GPC5: variants seen among roughly 807,000 people sequenced by gnomAD.
GPC5 encodes the protein glypican-5.
Under a neutral mutation model 53.9 loss-of-function variants are expected in GPC5, and 47 were observed. The ratio of observed to expected loss-of-function variants is 0.87; its 90% confidence interval spans 0.69 to 1.11. GPC5 has a LOEUF of 1.11. Ranked by LOEUF, GPC5 falls within the 50% of genes most tolerant of loss-of-function variation. The pLI, the probability that GPC5 is intolerant of heterozygous loss-of-function variation, is 0.00. For missense variants in GPC5, 748 were observed against 713.1 expected, an observed-to-expected ratio of 1.05 and a Z score of -0.56; for synonymous variants, 286 against 263.3, an observed-to-expected ratio of 1.09 and a Z score of -0.84.
At chr13:92,054,032 C>CAAAT (rs56703718) in intron 6 of GPC5, among the ~76,000 whole-genome samples, 17,565 of 142,376 alleles carry the variant, frequency 0.12, 1,118 homozygotes, top group Non-Finnish European at 0.13. Flanking sequence ...AATTCCATTT[C>CAAAT]AAATAAATAA....
At chr13:92,748,311 T>TTTATTATTA (rs71202559) in intron 7 of GPC5, among the ~76,000 whole-genome samples, 7,042 of 142,274 alleles carry the variant, frequency 0.049, 267 homozygotes, top group East Asian at 0.21. Context: ...TGCATTTTAT[T>TTTATTATTA]TTATTATTAT....
chr13:91,823,925 T>C (rs1474311409), intron 5 of GPC5, among the ~76,000 whole-genome samples: 1 of 152,104 alleles, frequency 6.6e-6, no homozygotes, highest in Non-Finnish European at 1.5e-5. Context: ...ATTTTCCTAA[T>C]GGCTGAACCA....
At chr13:92,421,959 T>A (rs1251063080) in intron 7 of GPC5, among the ~76,000 whole-genome samples, 1 of 152,052 alleles carries the variant, frequency 6.6e-6, no homozygotes, top group East Asian at 1.9e-4. Context: ...CTCTCAGTAT[T>A]TGACTTCCTG....
At chr13:91,596,756 G>A (rs1196447038) in intron 2 of GPC5, among the ~76,000 whole-genome samples, 2 of 152,046 alleles carry the variant, frequency 1.3e-5, no homozygotes, top group African/African-American at 2.4e-5. Context: ...TCCAGTGCCC[G>A]GTGAATTATG....
intron 2 of GPC5, among the ~76,000 whole-genome samples, chr13:91,473,442 T>C (rs1310894736): frequency 1.3e-5 from 2 of 152,190 alleles, no homozygotes; most frequent in Non-Finnish European, 2.9e-5. Context: ...TGGTTGGTTA[T>C]AGAATGCTTC....
Position 91,398,879 on chromosome 13 carries a change from C to G in GPC5, c.-168C>G. 1 of 722,106 alleles carries G rather than the reference C, an allele frequency of 1.4e-6. No individual in the cohort carries two copies. The highest frequency in any genetic ancestry group is 2.0e-5 in the South Asian group (1 of 48,816). 44.7% of individuals were successfully genotyped at this position (722,106 alleles called of 1,614,324 possible). ...AGCTTAGGGCCTCCTCCGGGAAGAG[C>G]TAACTGCTCCCAGGTGAAGCCGGTG... is the stretch of plus-strand genomic sequence containing the variant. On this transcript the variant is annotated 5_prime_UTR_variant, in exon 1 of 8. Transcript: ENST00000377067.
At chr13:91,839,502 A>G (rs555764545) in intron 5 of GPC5, among the ~76,000 whole-genome samples, 1 of 152,166 alleles carries the variant, frequency 6.6e-6, no homozygotes, top group African/African-American at 2.4e-5. Flanking sequence ...ACCTGTAGTT[A>G]ACAGGTGGTT....
chr13:91,831,163 C>T (rs2038653491), intron 5 of GPC5, among the ~76,000 whole-genome samples: 1 of 147,614 alleles, frequency 6.8e-6, no homozygotes, highest in Non-Finnish European at 1.5e-5. Flanking sequence ...TCATAAAGTC[C>T]CACAATACAC....
At chr13:92,547,503 T>G (rs1882160460) in intron 7 of GPC5, among the ~76,000 whole-genome samples, 1 of 152,112 alleles carries the variant, frequency 6.6e-6, no homozygotes, top group Non-Finnish European at 1.5e-5. Flanking sequence ...TTGGAAAAGC[T>G]CAAAATGAGT....
At chr13:91,643,595 G>A (rs74104907) in intron 2 of GPC5, among the ~76,000 whole-genome samples, 2,232 of 152,310 alleles carry the variant, frequency 0.015, 55 homozygotes, top group African/African-American at 0.05. Context: ...CAAAAACTGG[G>A]CAGCTTAAAC....
intron 7 of GPC5, among the ~76,000 whole-genome samples, chr13:92,580,931 C>T (rs965325609): frequency 1.3e-5 from 2 of 151,982 alleles, no homozygotes; most frequent in African/African-American, 4.8e-5. Flanking sequence ...CAGAAACAAC[C>T]AAAGTTACCT....
rs377251779 is a variant in GPC5, at chr13:92,728,271, A to C, written c.1562-138011A>C. Among the ~76,000 whole-genome samples, 15 of 151,540 alleles carry C rather than the reference A, an allele frequency of 9.9e-5. No homozygotes were observed. In the East Asian group the frequency reaches 1.4e-3, roughly 14 times the overall value. ...TGATGAGCATATCTTTTTTGATGAA[A>C]TGTTTCAGCCCTAGGATGACCTTAA... On this transcript the variant is annotated intron_variant, in intron 7 of 7. Coordinates refer to ENST00000377067, the MANE Select transcript of GPC5 (RefSeq NM_004466.6).
intron 1 of GPC5, among the ~76,000 whole-genome samples, chr13:91,418,844 T>C (rs1266389064): frequency 6.6e-6 from 1 of 152,086 alleles, no homozygotes; most frequent in Non-Finnish European, 1.5e-5. Context: ...CCAAACTTAT[T>C]TGAGGTAGAA....
chr13:92,694,744 G>A (rs570059976), intron 7 of GPC5, among the ~76,000 whole-genome samples: 22 of 152,302 alleles, frequency 1.4e-4, no homozygotes, highest in Admixed American at 3.3e-4. Context: ...GCTGCAGTGA[G>A]TTAAAACTTT....
chr13:92,809,732 G>A (rs975196500), intron 7 of GPC5, among the ~76,000 whole-genome samples: 1 of 152,124 alleles, frequency 6.6e-6, no homozygotes, highest in African/African-American at 2.4e-5. Flanking sequence ...CATAACAGGT[G>A]TCATAATAAT....
intron 7 of GPC5, among the ~76,000 whole-genome samples, chr13:92,838,231 T>A (rs1878287808): frequency 6.6e-6 from 1 of 151,986 alleles, no homozygotes; most frequent in South Asian, 2.1e-4. Context: ...ACGCCTGTAA[T>A]CTCAGCACTT....
At position 92,376,540 on chromosome 13, in the gene GPC5, G is replaced by A. The variant is rs140386989; in HGVS notation, c.1561+231551G>A. 1.9e-3 allele frequency among the ~76,000 whole-genome samples: 287 copies of A among 152,262 alleles called. 2 individuals carry two copies. Among genetic ancestry groups the A allele is most frequent in the African/African-American group, 6.6e-3 (276 of 41,548 alleles). On this transcript the variant is annotated intron_variant, in intron 7 of 7. Coordinates refer to ENST00000377067, the MANE Select transcript of GPC5 (RefSeq NM_004466.6). ...TTTTCTGGTCTTAGACTGTTGACGAGCTCTATTAAGTGCAGTAAGTTCCTC... is the reference window on the plus strand; with the variant it reads ...TTTTCTGGTCTTAGACTGTTGACGAACTCTATTAAGTGCAGTAAGTTCCTC...
chr13:91,552,599 C>G (rs147718265), intron 2 of GPC5, among the ~76,000 whole-genome samples: 1 of 151,964 alleles, frequency 6.6e-6, no homozygotes, highest in Admixed American at 6.6e-5. Context: ...AGGGATGGGC[C>G]GAATTAAAGG....
chr13:92,368,040 A>G (rs998141216), intron 7 of GPC5, among the ~76,000 whole-genome samples: 1 of 152,150 alleles, frequency 6.6e-6, no homozygotes, highest in Non-Finnish European at 1.5e-5. Context: ...CCTGGAGTGC[A>G]GTGGCATGAT....
Sources: gnomAD v4.1 joint callset for allele counts (sites outside exome capture counted in the v4.1 genomes callset) on GRCh38, gnomAD v4.1.1 for gene constraint, MANE v1.5 for transcripts, NCBI Gene and HGNC (gene_info 2026-07-23, HGNC 2026-07-21) for gene names.